NSFL1C: variants seen among roughly 807,000 people sequenced by gnomAD.
NSFL1C encodes the protein NSFL1 cofactor p47.
Under a neutral mutation model 43.1 loss-of-function variants are expected in NSFL1C, and 14 were observed. That is an observed-to-expected ratio of 0.32 (90% CI 0.21 to 0.51). The LOEUF (loss-of-function observed/expected upper bound fraction) is 0.51, where lower values mean the gene tolerates loss of function less well. NSFL1C is among the 20% of genes least tolerant of loss of function. The pLI, the probability that NSFL1C is intolerant of heterozygous loss-of-function variation, is 0.98. For synonymous variants in NSFL1C, 171 were observed against 183.5 expected, an observed-to-expected ratio of 0.93 and a Z score of 0.55; for missense variants, 406 against 472.5, an observed-to-expected ratio of 0.86 and a Z score of 1.30.
intron 3 of NSFL1C, chr20:1,456,418 T>C (rs1278976651): frequency 1.3e-5 from 2 of 152,308 alleles, no homozygotes; most frequent in African/African-American, 2.4e-5. Context: ...TTTGAGTCGG[T>C]GTGAAGGTCA....
At chr20:1,459,316 C>G (rs1048251531) in intron 2 of NSFL1C, among the ~76,000 whole-genome samples, 2 of 152,152 alleles carry the variant, frequency 1.3e-5, no homozygotes, top group African/African-American at 4.8e-5. Context: ...GGCACTTCCC[C>G]CTTCACACAT....
At chr20:1,446,840 T>C (rs2090069618) in intron 7 of NSFL1C, among the ~76,000 whole-genome samples, 2 of 150,620 alleles carry the variant, frequency 1.3e-5, no homozygotes, top group Non-Finnish European at 3.0e-5. Flanking sequence ...CCTCAAAGCC[T>C]CTAATTAGAT....
chr20:1,445,764 G>C lies in NSFL1C; in HGVS notation c.852C>G (p.Ser284Arg). 11 of 1,614,076 alleles carry C rather than the reference G, an allele frequency of 6.8e-6. No homozygotes were observed. The highest frequency in any genetic ancestry group is 1.7e-4 in the Middle Eastern group (1 of 6,060). Residue 284 changes from serine (S) to arginine (R), a missense_variant, in exon 8 of 9, where the codon AGC (serine) becomes AGG (arginine). Physicochemically the swap from Ser to Arg is moderately radical, Grantham distance 110. This residue lies in a region of NSFL1C where 196 missense variants were observed against 228.0 expected (regional missense o/e 0.86). Coordinates refer to ENST00000216879, the MANE Select transcript of NSFL1C (RefSeq NM_016143.5). ...AQQAENEAKA[S>R]SSILIDESEP... ...CTGATTCGTCGATTAAGATGGAAGA[G>C]CTGGCTTTGGCTTCATTTTCTGCCT...
At chr20:1,465,105 C>T (rs1328793812) in intron 1 of NSFL1C, among the ~76,000 whole-genome samples, 6 of 152,232 alleles carry the variant, frequency 3.9e-5, no homozygotes, top group Admixed American at 1.3e-4. Flanking sequence ...TAGGTTTACA[C>T]ATACAGAAGG....
At chr20:1,453,335 C>G (rs2090223969) in intron 5 of NSFL1C, among the ~76,000 whole-genome samples, 195 bp from the exon 6 acceptor site, 1 of 152,176 alleles carries the variant, frequency 6.6e-6, no homozygotes, top group African/African-American at 2.4e-5. Flanking sequence ...GGAAGGTGGC[C>G]TAGCACAGAC....
chr20:1,452,374 A>C lies in NSFL1C; in HGVS notation c.785+119T>G. On this transcript the variant is annotated intron_variant, in intron 7 of 8. Coordinates refer to ENST00000216879, the MANE Select transcript of NSFL1C (RefSeq NM_016143.5). ...CACACTCTTCCTCCCATACAAATAAAATTTGAAGTATTTTGTAAACAGTAA... is the reference window on the plus strand; with the variant it reads ...CACACTCTTCCTCCCATACAAATAACATTTGAAGTATTTTGTAAACAGTAA... 3.8e-6 allele frequency: 5 copies of C among 1,326,754 alleles called. No homozygotes were observed. In the South Asian group the frequency reaches 7.1e-5, roughly 19 times the overall value. The allele number at this position is 1,326,754 out of a possible 1,614,324, so 82.2% of individuals were successfully genotyped here.
intron 2 of NSFL1C, among the ~76,000 whole-genome samples, chr20:1,460,737 G>T (rs911143561): frequency 1.1e-4 from 16 of 152,214 alleles, no homozygotes; most frequent in African/African-American, 3.9e-4. Flanking sequence ...CTGAAATGTG[G>T]TTAGAGAAAA....
intron 1 of NSFL1C, among the ~76,000 whole-genome samples, chr20:1,465,698 G>A (rs904415891): frequency 2.0e-5 from 3 of 152,128 alleles, no homozygotes; most frequent in Non-Finnish European, 2.9e-5. Context: ...CATAAAATGG[G>A]TCTAGTCTTT....
At chr20:1,448,978 G>C (rs1244780072) in intron 7 of NSFL1C, among the ~76,000 whole-genome samples, 1 of 152,150 alleles carries the variant, frequency 6.6e-6, no homozygotes, top group Non-Finnish European at 1.5e-5. Context: ...TGAGAAAATA[G>C]CTAAAAACAT....
Position 1,445,634 on chromosome 20 carries a change from T to C in NSFL1C, c.950+32A>G, listed in dbSNP as rs991697399. 8 of 1,609,726 alleles carry C rather than the reference T, an allele frequency of 5.0e-6. No individual in the cohort carries two copies. The Middle Eastern group carries it at 6.7e-4, about 136-fold the overall frequency. On this transcript the variant is annotated intron_variant, in intron 8 of 8. Coordinates refer to ENST00000216879, the MANE Select transcript of NSFL1C (RefSeq NM_016143.5). ...TTGCGTGAGGCCCAGAGGACACTCCTAGAATAAGCTAGGCCACACAATGCA... is the reference window on the plus strand; with the variant it reads ...TTGCGTGAGGCCCAGAGGACACTCCCAGAATAAGCTAGGCCACACAATGCA...
chr20:1,449,428 C>T (rs1206055289), intron 7 of NSFL1C, among the ~76,000 whole-genome samples: 1 of 152,110 alleles, frequency 6.6e-6, no homozygotes, highest in Non-Finnish European at 1.5e-5. Context: ...GAAGACCAGG[C>T]CTCCTGATTT....
intron 8 of NSFL1C, 28 bp downstream of exon 8, chr20:1,445,638 A>G: frequency 6.2e-7 from 1 of 1,610,394 alleles, no homozygotes; most frequent in Non-Finnish European, 8.5e-7. Context: ...CACTCCTAGA[A>G]TAAGCTAGGC....
At chr20:1,457,178 T>C (rs2090319799) in intron 3 of NSFL1C, 1 of 152,218 alleles carries the variant, frequency 6.6e-6, no homozygotes, top group Non-Finnish European at 1.5e-5. Context: ...TATTATTCTG[T>C]TTTTTACATG....
At chr20:1,462,898 GCTAAAAATGATAATA>G (rs143918152) in intron 2 of NSFL1C, among the ~76,000 whole-genome samples, 3,081 of 152,250 alleles carry the variant, frequency 0.02, 99 homozygotes, top group African/African-American at 0.07. Flanking sequence ...GAGAATGAAT[GCTAAAAATGATAATA>G]CTAAAATTAT....
chr20:1,454,130 A>T, intron 5 of NSFL1C, 83 bp downstream of exon 5: 1 of 1,066,574 alleles, frequency 9.4e-7, no homozygotes, highest in Non-Finnish European at 1.5e-6. Flanking sequence ...GCTGCTGGTT[A>T]ATGCACAATA....
rs142406814 is a variant in NSFL1C at position 1,443,675 on chromosome 20, A to C, written c.*74T>G. 1.2e-5 allele frequency: 19 copies of C among 1,527,054 alleles called. No individual in the cohort carries two copies. The African/African-American group carries it at 2.0e-4, about 16-fold the overall frequency. 94.6% of individuals were successfully genotyped at this position (1,527,054 alleles called of 1,614,324 possible). On this transcript the variant is annotated 3_prime_UTR_variant, in exon 9 of 9. Coordinates refer to ENST00000216879, the MANE Select transcript of NSFL1C (RefSeq NM_016143.5). ...TGCTGGGTGTGCACAAGGGGGCAGGAGGGGCGATCCCCATGGGGCATGGCC... is the reference window on the plus strand; with the variant it reads ...TGCTGGGTGTGCACAAGGGGGCAGGCGGGGCGATCCCCATGGGGCATGGCC...
chr20:1,443,967 C>T, intron 8 of NSFL1C, 56 bp from the exon 9 acceptor site: 2 of 1,548,062 alleles, frequency 1.3e-6, no homozygotes, highest in Admixed American at 3.6e-5. Flanking sequence ...CATACCCCTG[C>T]CCTGTGGAAA....
chr20:1,454,949 A>G lies in NSFL1C; in HGVS notation c.444+18T>C, dbSNP rs762035865. The stretch of plus-strand genomic sequence containing the variant: ...GAATCTCAGTCCTGTGGGCACAGAC[A>G]ATGACCCTTATACTCACTCTCGGTT... On this transcript the variant is annotated intron_variant, in intron 4 of 8. Coordinates refer to ENST00000216879, the MANE Select transcript of NSFL1C (RefSeq NM_016143.5). 1 of 1,608,516 alleles carries G rather than the reference A, an allele frequency of 6.2e-7. No homozygotes were observed. Among genetic ancestry groups the G allele is most frequent in the Non-Finnish European group, 8.5e-7 (1 of 1,176,554 alleles).
intron 3 of NSFL1C, among the ~76,000 whole-genome samples, chr20:1,457,652 T>C (rs907072366): frequency 6.6e-6 from 1 of 152,210 alleles, no homozygotes; most frequent in East Asian, 1.9e-4. Context: ...TAGATTGGAA[T>C]TGTTCTAGAT....
Sources: allele counts gnomAD v4.1 joint callset (sites outside exome capture counted in the v4.1 genomes callset), GRCh38; gene constraint gnomAD v4.1.1; regional missense constraint gnomAD v4.1.1; transcripts MANE v1.5; gene names NCBI Gene and HGNC (gene_info 2026-07-23, HGNC 2026-07-21).